Variants in MGAT4C observed in about 807,000 individuals in gnomAD.
MGAT4C encodes the protein alpha-1,3-mannosyl-glycoprotein 4-beta-N-acetylglucosaminyltransferase C.
In MGAT4C, 19 loss-of-function variants were observed where a neutral mutation model predicts 40.1. The observed-to-expected ratio is 0.47, with a 90% confidence interval of 0.33 to 0.70. The LOEUF is 0.70. Ranked by LOEUF, MGAT4C falls within the 30% of genes least tolerant of loss-of-function variation. MGAT4C has a pLI of 0.02. For synonymous variants in MGAT4C, 181 were observed against 187.1 expected (o/e 0.97, Z 0.27); for missense variants, 491 against 563.2 (o/e 0.87, Z 1.30).
At chr12:86,355,564 A>G (rs1955290750) in intron 3 of MGAT4C, among the ~76,000 whole-genome samples, 1 of 152,206 alleles carries the variant, frequency 6.6e-6, no homozygotes, top group Non-Finnish European at 1.5e-5. Context: ...GCAAGTGGAG[A>G]AAAGTAACAT....
At chr12:86,090,702 C>G (rs1231943442) in intron 1 of MGAT4C, among the ~76,000 whole-genome samples, 1 of 151,892 alleles carries the variant, frequency 6.6e-6, no homozygotes, top group African/African-American at 2.4e-5. Context: ...TACTCACACT[C>G]TTTCTTGAAA....
intron 1 of MGAT4C, among the ~76,000 whole-genome samples, chr12:86,137,860 G>A (rs1490738638): frequency 6.6e-6 from 1 of 152,158 alleles, no homozygotes; most frequent in African/African-American, 2.4e-5. Flanking sequence ...ACATGGAGCT[G>A]ACTTCGGCAA....
rs1426560789 is a variant in MGAT4C at position 85,977,707 on chromosome 12, G to C, written c.*1582C>G. On this transcript the variant is annotated 3_prime_UTR_variant, in exon 5 of 5. Transcript: ENST00000611864. ...ACCACAGCATACCAGTAAATCTTAA[G>C]GATTGTGTTTCAGTATGAAAAGGAA... 1.4e-5 allele frequency: 2 copies of C among 148,112 alleles called. No homozygotes were observed. Among genetic ancestry groups the C allele is most frequent in the Non-Finnish European group, 3.0e-5 (2 of 66,854 alleles). 9.2% of individuals were successfully genotyped at this position (148,112 alleles called of 1,614,324 possible).
intron 2 of MGAT4C, among the ~76,000 whole-genome samples, chr12:85,997,619 A>G (rs1886775531): frequency 6.6e-6 from 1 of 152,222 alleles, no homozygotes; most frequent in Non-Finnish European, 1.5e-5. Context: ...AAAGGGGTAC[A>G]GGCCCCATGC....
chr12:86,402,178 C>A (rs554573397), intron 3 of MGAT4C, among the ~76,000 whole-genome samples: 1 of 151,988 alleles, frequency 6.6e-6, no homozygotes. Flanking sequence ...GGCACAGTGG[C>A]TCACGCTTGT....
intron 1 of MGAT4C, among the ~76,000 whole-genome samples, chr12:86,113,246 T>G (rs1269312238): frequency 6.6e-6 from 1 of 151,798 alleles, no homozygotes; most frequent in Non-Finnish European, 1.5e-5. Context: ...CCATAGCAGT[T>G]TTTTGAAAAA....
intron 1 of MGAT4C, among the ~76,000 whole-genome samples, chr12:86,218,730 C>G (rs1006467601): frequency 2.6e-5 from 4 of 152,106 alleles, no homozygotes; most frequent in African/African-American, 9.7e-5. Context: ...ACTGCTGTGG[C>G]AGGTTTTCAT....
At chr12:86,485,099 G>A (rs558576061) in intron 2 of MGAT4C, among the ~76,000 whole-genome samples, 2 of 152,096 alleles carry the variant, frequency 1.3e-5, no homozygotes, top group South Asian at 4.1e-4. Context: ...CAGAAACAAA[G>A]CTTACAGACT....
intron 2 of MGAT4C, among the ~76,000 whole-genome samples, chr12:86,037,949 C>T (rs763590542): frequency 2.7e-5 from 4 of 149,380 alleles, no homozygotes; most frequent in Non-Finnish European, 6.0e-5. Flanking sequence ...TCAGACCCAA[C>T]ACCAGGTCAT....
At chr12:86,330,182 T>C (rs1417652382) in intron 4 of MGAT4C, among the ~76,000 whole-genome samples, 2 of 152,182 alleles carry the variant, frequency 1.3e-5, no homozygotes, top group Non-Finnish European at 2.9e-5. Context: ...TACTCATATC[T>C]ATAGGGTAGG....
Position 85,961,657 on chromosome 12 carries a change from G to A in MGAT4C, c.*17632C>T, listed in dbSNP as rs1024776927. 1 of 151,626 alleles carries A rather than the reference G, an allele frequency of 6.6e-6. No individual in the cohort carries two copies. Among genetic ancestry groups the A allele is most frequent in the African/African-American group, 2.4e-5 (1 of 41,352 alleles). The allele number at this position is 151,626 out of a possible 1,614,324, so 9.4% of individuals were successfully genotyped here. The stretch of plus-strand genomic sequence containing the variant: ...CCATGTCAGATACAATAAGAGCAAC[G>A]GAAGAAAATGTATCAAAACACATCT... On this transcript the variant is annotated 3_prime_UTR_variant, in exon 5 of 5. Coordinates refer to ENST00000611864, the MANE Select transcript of MGAT4C (RefSeq NM_001351288.2).
At chr12:86,730,321 C>G (rs1207799682) in intron 1 of MGAT4C, among the ~76,000 whole-genome samples, 1 of 151,840 alleles carries the variant, frequency 6.6e-6, no homozygotes, top group Non-Finnish European at 1.5e-5. Context: ...AGAAACTGCA[C>G]CTCAATTTGT....
intron 3 of MGAT4C, among the ~76,000 whole-genome samples, chr12:86,341,093 C>G (rs985765650): frequency 6.6e-6 from 1 of 152,108 alleles, no homozygotes; most frequent in Non-Finnish European, 1.5e-5. Context: ...ATTGAAACAC[C>G]CATGTACTCA....
intron 2 of MGAT4C, among the ~76,000 whole-genome samples, chr12:86,510,932 C>T (rs897924353): frequency 1.1e-4 from 17 of 151,594 alleles, no homozygotes; most frequent in Middle Eastern, 3.4e-3. Context: ...GACAGATCAA[C>T]GAGACAGAAA....
intron 4 of MGAT4C, among the ~76,000 whole-genome samples, chr12:86,261,803 G>A (rs868337384): frequency 6.6e-6 from 1 of 152,032 alleles, no homozygotes; most frequent in Admixed American, 6.6e-5. Flanking sequence ...GTGAAGGGAA[G>A]TAAGAATCAC....
intron 1 of MGAT4C, among the ~76,000 whole-genome samples, chr12:86,144,798 A>T (rs1422907693): frequency 6.6e-6 from 1 of 152,174 alleles, no homozygotes; most frequent in African/African-American, 2.4e-5. Flanking sequence ...GAATCTTAAA[A>T]AATACTCATA....
rs1281907752 is a variant in MGAT4C, at chr12:86,120,745, C to T, written c.-56-71022G>A. Among the ~76,000 whole-genome samples the T allele has an allele frequency of 2.0e-5, 3 of 152,150 alleles. No homozygotes were observed. The East Asian group carries it at 5.8e-4, about 29-fold the overall frequency. ...ACACCAAAATCCCATCCATACATCACCATCATCAAAGACCAAAGGTAGATA... is the reference window on the plus strand; with the variant it reads ...ACACCAAAATCCCATCCATACATCATCATCATCAAAGACCAAAGGTAGATA... On this transcript the variant is annotated intron_variant, in intron 1 of 4. Coordinates refer to ENST00000611864, the MANE Select transcript of MGAT4C (RefSeq NM_001351288.2).
chr12:86,435,239 A>T (rs1231977630), exon 3 of MGAT4C: 2 of 151,938 alleles, frequency 1.3e-5, no homozygotes, highest in African/African-American at 4.8e-5. Context: ...CTTTGTGCAT[A>T]CAAGTGATCT....
At chr12:86,453,125 T>C (rs2136288834) in intron 2 of MGAT4C, among the ~76,000 whole-genome samples, 1 of 152,308 alleles carries the variant, frequency 6.6e-6, no homozygotes. Flanking sequence ...TAAATGAGAA[T>C]GAATATGCCA....
Sources: gnomAD v4.1 joint callset for allele counts (sites outside exome capture counted in the v4.1 genomes callset) on GRCh38, gnomAD v4.1.1 for gene constraint, MANE v1.5 for transcripts, NCBI Gene and HGNC (gene_info 2026-07-23, HGNC 2026-07-21) for gene names.